MYO9A: variants seen among roughly 807,000 people sequenced by gnomAD.
MYO9A encodes the protein unconventional myosin-IXa.
A neutral mutation model predicts 293.3 loss-of-function variants in MYO9A; 103 were observed. The ratio of observed to expected loss-of-function variants is 0.35; its 90% CI spans 0.30 to 0.41. The LOEUF (loss-of-function observed/expected upper bound fraction) is 0.41. Among genes scored for constraint, MYO9A ranks in the 10% least tolerant of loss-of-function variants. The probability of loss-of-function intolerance (pLI) is 1.00; values close to 1 mark genes in which losing one functional copy is unlikely to be tolerated. For missense variants in MYO9A, 2,685 were observed against 3,033.0 expected, an observed-to-expected ratio of 0.89 and a Z score of 2.69; for synonymous variants, 1,001 against 1,035.7, an observed-to-expected ratio of 0.97 and a Z score of 0.64.
intron 15 of MYO9A, among the ~76,000 whole-genome samples, chr15:71,947,042 A>T (rs887967241): frequency 1.3e-5 from 2 of 152,154 alleles, no homozygotes; most frequent in African/African-American, 4.8e-5. Flanking sequence ...ACTTGAGCCA[A>T]GGAGGTCAAG....
intron 1 of MYO9A, among the ~76,000 whole-genome samples, chr15:72,103,345 CAGCA>C (rs1162890416): frequency 7.0e-6 from 1 of 143,566 alleles, no homozygotes; most frequent in Non-Finnish European, 1.5e-5. Flanking sequence ...GCAGAAGCAG[CAGCA>C]AGCAGAGACA....
chr15:72,113,546 C>G (rs2080858463), intron 1 of MYO9A, among the ~76,000 whole-genome samples: 1 of 152,144 alleles, frequency 6.6e-6, no homozygotes, highest in South Asian at 2.1e-4. Context: ...TAAACTCTAT[C>G]CTGAAAGCAA....
chr15:72,090,700 G>A (rs956327896), intron 1 of MYO9A, among the ~76,000 whole-genome samples: 6 of 152,160 alleles, frequency 3.9e-5, no homozygotes, highest in African/African-American at 1.4e-4. Flanking sequence ...GGGCTTTGTA[G>A]TCAGTCACAC....
At chr15:72,003,162 G>C (rs772893607) in intron 8 of MYO9A, among the ~76,000 whole-genome samples, 3 of 151,640 alleles carry the variant, frequency 2.0e-5, no homozygotes, top group Admixed American at 6.6e-5. Context: ...CCAGCTACTC[G>C]GGAGGCTGAG....
chr15:72,021,912 G>A (rs1156362031), intron 4 of MYO9A, among the ~76,000 whole-genome samples: 1 of 152,050 alleles, frequency 6.6e-6, no homozygotes, highest in Admixed American at 6.6e-5. Flanking sequence ...GAAAATAAAG[G>A]CTAAGGTAGA....
intron 32 of MYO9A, among the ~76,000 whole-genome samples, chr15:71,874,723 A>T (rs2056628730): frequency 6.6e-6 from 1 of 152,168 alleles, no homozygotes; most frequent in African/African-American, 2.4e-5. Context: ...AAGGTATTCA[A>T]AATATTTTGA....
At chr15:72,016,927 C>T (rs1386412484) in intron 6 of MYO9A, among the ~76,000 whole-genome samples, 1 of 150,796 alleles carries the variant, frequency 6.6e-6, no homozygotes, top group African/African-American at 2.4e-5. Context: ...ACTTAAAGAC[C>T]ATTATTAACC....
chr15:71,951,365 G>A (rs1269460264), intron 15 of MYO9A, among the ~76,000 whole-genome samples: 3 of 151,854 alleles, frequency 2.0e-5, no homozygotes, highest in African/African-American at 7.3e-5. Context: ...GCCTACATAC[G>A]TCAAAACTTA....
chr15:71,890,391 TAAAAG>T (rs2057141565), intron 26 of MYO9A: 1 of 152,114 alleles, frequency 6.6e-6, no homozygotes, highest in South Asian at 2.1e-4. Flanking sequence ...TGGGGGATGA[TAAAAG>T]AAAACTGTAC....
intron 12 of MYO9A, among the ~76,000 whole-genome samples, chr15:71,976,493 CTT>C (rs1312513199): frequency 2.0e-5 from 3 of 152,270 alleles, no homozygotes; most frequent in East Asian, 3.9e-4. Context: ...CTTAAACTTT[CTT>C]TTGTTACTAT....
At chr15:71,963,553 A>G (rs1195304030) in intron 13 of MYO9A, among the ~76,000 whole-genome samples, 1 of 151,806 alleles carries the variant, frequency 6.6e-6, no homozygotes, top group African/African-American at 2.4e-5. Context: ...GGTTCAAGCA[A>G]TTGTCCTGCC....
chr15:71,982,411 CTG>C (rs1567345108), intron 11 of MYO9A, among the ~76,000 whole-genome samples: 1 of 151,894 alleles, frequency 6.6e-6, no homozygotes, highest in Non-Finnish European at 1.5e-5. Context: ...GTATTAAAAT[CTG>C]TGTCATTTCA....
intron 32 of MYO9A, among the ~76,000 whole-genome samples, chr15:71,866,772 A>C (rs1310886796): frequency 6.6e-6 from 1 of 152,168 alleles, no homozygotes; most frequent in African/African-American, 2.4e-5. Context: ...AAAAAGATCA[A>C]AGCAGGCCAG....
intron 19 of MYO9A, among the ~76,000 whole-genome samples, chr15:71,908,407 C>T (rs997014909): frequency 1.3e-5 from 2 of 152,198 alleles, no homozygotes; most frequent in Admixed American, 6.5e-5. Context: ...TCGTGATCTG[C>T]CTGCCTCGGC....
intron 32 of MYO9A, among the ~76,000 whole-genome samples, chr15:71,866,994 C>G (rs1382401418): frequency 2.0e-5 from 3 of 151,828 alleles, no homozygotes; most frequent in African/African-American, 7.3e-5. Flanking sequence ...GAGGTGGAAG[C>G]TGTGGTGAGC....
intron 1 of MYO9A, among the ~76,000 whole-genome samples, chr15:72,091,748 C>G (rs2079918520): frequency 1.4e-5 from 2 of 147,960 alleles, no homozygotes; most frequent in Non-Finnish European, 3.0e-5. Context: ...GAGTTTCACT[C>G]TCTTGCCCAG....
chr15:71,903,637 G>A (rs1329252421), intron 21 of MYO9A, among the ~76,000 whole-genome samples: 2 of 152,184 alleles, frequency 1.3e-5, no homozygotes, highest in Non-Finnish European at 2.9e-5. Context: ...TTCAGTTACT[G>A]GAGAGGTCAG....
intron 39 of MYO9A, among the ~76,000 whole-genome samples, chr15:71,835,389 A>G (rs968551746): frequency 6.6e-6 from 1 of 152,202 alleles, no homozygotes; most frequent in African/African-American, 2.4e-5. Context: ...CAGGTAGAAA[A>G]TCCAAAGGAG....
At position 71,898,150 on chromosome 15, in the gene MYO9A, C is replaced by T. The variant is rs137928602; in HGVS notation, c.4353G>A (p.Ala1451=). The change falls in exon 25 of 42, where the codon GCG becomes GCA. Residue 1451 remains alanine, a synonymous_variant. Transcript: ENST00000356056. ...TGATATCCAAAGTAAGAGCTTCCCC[C>T]GCTGTGTCTTCATTTTCCAATAGTT... ...RNKLLENEDT[A]GEALTLDINR... 1.2e-5 allele frequency: 20 copies of T among 1,613,998 alleles called. No individual in the cohort carries two copies. The highest frequency in any genetic ancestry group is 2.2e-5 in the South Asian group (2 of 91,092).
Sources: gnomAD v4.1 joint callset for allele counts (sites outside exome capture counted in the v4.1 genomes callset) on GRCh38, gnomAD v4.1.1 for gene constraint, MANE v1.5 for transcripts, NCBI Gene and HGNC (gene_info 2026-07-23, HGNC 2026-07-21) for gene names.